Variants in GRHL2 observed in about 807,000 individuals in gnomAD.
The protein encoded by GRHL2 is grainyhead-like protein 2 homolog.
In GRHL2, 21 loss-of-function variants were observed where a neutral mutation model predicts 83.8. The observed-to-expected ratio is 0.25, with a 90% CI of 0.18 to 0.36. GRHL2 has a LOEUF of 0.36. Ranked by LOEUF, GRHL2 falls within the 10% of genes least tolerant of loss-of-function variation. The probability of loss-of-function intolerance (pLI) is 1.00; values close to 1 mark genes in which losing one functional copy is unlikely to be tolerated. For missense variants in GRHL2, 623 were observed against 781.8 expected (o/e 0.80, Z 2.42); for synonymous variants, 280 against 278.9 (o/e 1.00, Z -0.04).
intron 14 of GRHL2, among the ~76,000 whole-genome samples, chr8:101,656,263 G>T (rs754658827): frequency 6.6e-6 from 1 of 152,200 alleles, no homozygotes; most frequent in Non-Finnish European, 1.5e-5. Flanking sequence ...ACTGAATTGG[G>T]CATCTGCTGT....
chr8:101,503,742 G>A lies in GRHL2; in HGVS notation c.20+10953G>A, dbSNP rs1810278546. ...AGTGAGATGATGGGACACTATGCAAGCATTACACATCACATTAATGAAAAA... is the reference window on the plus strand; with the variant it reads ...AGTGAGATGATGGGACACTATGCAAACATTACACATCACATTAATGAAAAA... On this transcript the variant is annotated intron_variant, in intron 1 of 15. Transcript: ENST00000646743. 1.3e-5 allele frequency among the ~76,000 whole-genome samples: 2 copies of A among 152,146 alleles called. 1 individual carries two copies. The highest frequency in any genetic ancestry group is 2.9e-5 in the Non-Finnish European group (2 of 68,024).
At chr8:101,641,571 A>G (rs1013214651) in intron 12 of GRHL2, among the ~76,000 whole-genome samples, 11 of 152,124 alleles carry the variant, frequency 7.2e-5, no homozygotes, top group African/African-American at 2.4e-4. Flanking sequence ...TGTTTTTCCA[A>G]TGAAACTTAG....
chr8:101,510,731 A>T (rs944348876), intron 1 of GRHL2, among the ~76,000 whole-genome samples: 3 of 152,172 alleles, frequency 2.0e-5, no homozygotes, highest in Non-Finnish European at 4.4e-5. Context: ...ATTTTTGTGG[A>T]TATTCTTCCA....
intron 1 of GRHL2, among the ~76,000 whole-genome samples, chr8:101,504,168 C>A (rs1278400025): frequency 6.6e-6 from 1 of 152,218 alleles, no homozygotes; most frequent in Non-Finnish European, 1.5e-5. Flanking sequence ...GCAGAAATCC[C>A]TGCCCTCTCC....
chr8:101,504,189 A>G (rs898662072), intron 1 of GRHL2, among the ~76,000 whole-genome samples: 18 of 152,270 alleles, frequency 1.2e-4, no homozygotes, highest in African/African-American at 4.3e-4. Context: ...TCTCTGTCCC[A>G]GGAATGCCAC....
intron 7 of GRHL2, among the ~76,000 whole-genome samples, chr8:101,588,696 C>T (rs1301986750): frequency 6.6e-6 from 1 of 152,182 alleles, no homozygotes; most frequent in Non-Finnish European, 1.5e-5. Flanking sequence ...AGTCTTTCTT[C>T]TGCACTGCCA....
chr8:101,666,647 A>G lies in GRHL2; in HGVS notation c.1822A>G (p.Ile608Val), dbSNP rs1051997586. The change falls in exon 16 of 16, where the codon ATC becomes GTC. Residue 608 changes from isoleucine to valine, a missense_variant. This residue lies in a region of GRHL2 where 210 missense variants were observed against 254.8 expected (regional missense o/e 0.82). Transcript: ENST00000646743. ...GCACTACTCGAACGAGGACACCTTC[A>G]TCCTCAACATGGAGAGCATGGTGGA... is the stretch of plus-strand genomic sequence containing the variant. ...IEHYSNEDTF[I>V]LNMESMVEGF... The G allele has an allele frequency of 1.9e-6, 3 of 1,613,744 alleles. No individual in the cohort carries two copies. The African/African-American group carries it at 4.0e-5, about 22-fold the overall frequency.
At chr8:101,497,035 A>G (rs2129956377) in intron 1 of GRHL2, among the ~76,000 whole-genome samples, 1 of 152,300 alleles carries the variant, frequency 6.6e-6, no homozygotes, top group Non-Finnish European at 1.5e-5. Context: ...AGATAGTAAT[A>G]CCTAAGGAGT....
intron 1 of GRHL2, among the ~76,000 whole-genome samples, chr8:101,514,499 G>C (rs540178488): frequency 1.3e-5 from 2 of 152,172 alleles, no homozygotes; most frequent in South Asian, 4.1e-4. Context: ...GTCTAAGAAA[G>C]CTTCCTCAAA....
Position 101,667,038 on chromosome 8 carries a change from TC to T in GRHL2, c.*340del. 2.4e-6 allele frequency: 1 copy of T among 410,782 alleles called. No individual in the cohort carries two copies. The highest frequency in any genetic ancestry group is 4.9e-5 in the East Asian group (1 of 20,456). The allele number at this position is 410,782 out of a possible 1,614,324, so 25.4% of individuals were successfully genotyped here. ...AGCTCCAGATGAGACCGTCCAGCGTTCCCCCTTCAAGAGAAACACTCATCCC... is the reference window on the plus strand; with the variant it reads ...AGCTCCAGATGAGACCGTCCAGCGTTCCCCTTCAAGAGAAACACTCATCCC... On this transcript the variant is annotated 3_prime_UTR_variant, in exon 16 of 16. Transcript: ENST00000646743.
chr8:101,562,861 A>G (rs1007828225), intron 4 of GRHL2, among the ~76,000 whole-genome samples: 1 of 152,216 alleles, frequency 6.6e-6, no homozygotes, highest in Non-Finnish European at 1.5e-5. Flanking sequence ...ACAATGGCAG[A>G]AGGAGAGAAT....
At chr8:101,525,681 A>G (rs550790586) in intron 1 of GRHL2, among the ~76,000 whole-genome samples, 1 of 152,198 alleles carries the variant, frequency 6.6e-6, no homozygotes, top group South Asian at 2.1e-4. Flanking sequence ...GAAATGAAAC[A>G]TAACTGGTTG....
intron 6 of GRHL2, among the ~76,000 whole-genome samples, chr8:101,575,700 G>A: frequency 1.3e-5 from 2 of 152,128 alleles, no homozygotes; most frequent in East Asian, 3.8e-4. Flanking sequence ...TGCTAATTTA[G>A]ACACTTGCCA....
chr8:101,569,793 T>TTAAAAA (rs1357299025), intron 4 of GRHL2, among the ~76,000 whole-genome samples: 1 of 152,212 alleles, frequency 6.6e-6, no homozygotes, highest in Non-Finnish European at 1.5e-5. Context: ...TTTTAAAACT[T>TTAAAAA]ATTTAATTCT....
chr8:101,527,005 T>C (rs899240737), intron 1 of GRHL2, among the ~76,000 whole-genome samples: 51 of 152,240 alleles, frequency 3.3e-4, no homozygotes, highest in African/African-American at 1.2e-3. Flanking sequence ...TATAGTTTAA[T>C]GCCGCTGTCT....
intron 1 of GRHL2, among the ~76,000 whole-genome samples, chr8:101,508,841 G>A (rs1810391661): frequency 6.6e-6 from 1 of 152,074 alleles, no homozygotes; most frequent in Non-Finnish European, 1.5e-5. Context: ...CCCCAAAGAT[G>A]AGACAGTTAG....
chr8:101,590,012 G>A (rs1686035678), intron 7 of GRHL2, among the ~76,000 whole-genome samples: 1 of 152,026 alleles, frequency 6.6e-6, no homozygotes, highest in Admixed American at 6.6e-5. Flanking sequence ...TCTATGAGGT[G>A]GGAATAATAA....
chr8:101,493,485 C>T (rs1810017216), intron 1 of GRHL2, among the ~76,000 whole-genome samples: 1 of 56,898 alleles, frequency 1.8e-5, no homozygotes, highest in African/African-American at 3.6e-5. Context: ...CCACCTTCCT[C>T]AGGTGCCCGG....
intron 1 of GRHL2, among the ~76,000 whole-genome samples, chr8:101,501,492 G>A (rs1195873957): frequency 1.3e-5 from 2 of 152,204 alleles, no homozygotes; most frequent in Non-Finnish European, 2.9e-5. Context: ...TGAAGTGAAG[G>A]AGAGAGGAGT....
Sources: allele counts gnomAD v4.1 joint callset (sites outside exome capture counted in the v4.1 genomes callset), GRCh38; gene constraint gnomAD v4.1.1; regional missense constraint gnomAD v4.1.1; transcripts MANE v1.5; gene names NCBI Gene and HGNC (gene_info 2026-07-23, HGNC 2026-07-21).